TEX9: variants seen among roughly 807,000 people sequenced by gnomAD.
TEX9 encodes the protein testis expressed 9, also known as testis-expressed protein 9.
TEX9 carries 74 observed loss-of-function variants against 59.6 expected under a neutral mutation model. The observed-to-expected ratio is 1.24, with a 90% confidence interval of 1.03 to 1.51. TEX9 has a LOEUF of 1.51. Ranked by LOEUF, TEX9 falls within the 40% of genes most tolerant of loss-of-function variation. The probability of loss-of-function intolerance (pLI) is 0.00; values close to 1 mark genes in which losing one functional copy is unlikely to be tolerated. For missense variants in TEX9, 522 were observed against 447.8 expected, an observed-to-expected ratio of 1.17 and a Z score of -1.49; for synonymous variants, 186 against 152.2, an observed-to-expected ratio of 1.22 and a Z score of -1.64.
At chr15:56,244,819 T>C (rs2043806413) in intron 1 of TEX9, among the ~76,000 whole-genome samples, 1 of 148,612 alleles carries the variant, frequency 6.7e-6, no homozygotes, top group Admixed American at 6.7e-5. Context: ...TCCGCACCAT[T>C]CCCCCCCTTC....
chr15:56,325,822 T>G (rs2046008756), intron 1 of TEX9, among the ~76,000 whole-genome samples: 1 of 152,160 alleles, frequency 6.6e-6, no homozygotes, highest in Admixed American at 6.5e-5. Flanking sequence ...TAAGTCAACA[T>G]TTTTTGACCA....
At chr15:56,354,092 A>C (rs190440880) in intron 1 of TEX9, among the ~76,000 whole-genome samples, 281 of 152,326 alleles carry the variant, frequency 1.8e-3, no homozygotes, top group Admixed American at 4.8e-3. Context: ...CCAGGCTAAC[A>C]TGTTAGTAGA....
chr15:56,276,398 A>G (rs1230375570), intron 1 of TEX9, among the ~76,000 whole-genome samples: 9 of 151,998 alleles, frequency 5.9e-5, no homozygotes, highest in African/African-American at 1.9e-4. Flanking sequence ...TCTCATTGTC[A>G]ACTCCCACTT....
At chr15:56,394,334 T>C in intron 8 of TEX9, 87 bp downstream of exon 8, 6 of 1,143,986 alleles carry the variant, frequency 5.2e-6, no homozygotes, top group Non-Finnish European at 7.4e-6. Flanking sequence ...TTACTTTATT[T>C]AGATATAAAT....
chr15:56,255,119 G>T (rs2044115233), intron 1 of TEX9, among the ~76,000 whole-genome samples: 1 of 152,072 alleles, frequency 6.6e-6, no homozygotes, highest in African/African-American at 2.4e-5. Flanking sequence ...TTCTGTAAAA[G>T]ACCAGATAGT....
chr15:56,331,320 A>G (rs1265134817), intron 1 of TEX9, among the ~76,000 whole-genome samples: 6 of 152,226 alleles, frequency 3.9e-5, no homozygotes, highest in African/African-American at 1.4e-4. Flanking sequence ...AGATATTTAC[A>G]GAACATTTCA....
At chr15:56,388,492 G>A (rs1311453910) in exon 5 of TEX9, 2 of 1,611,090 alleles carry the variant, frequency 1.2e-6, no homozygotes, top group South Asian at 1.1e-5. Flanking sequence ...CCATCTGAAG[G>A]GATAGTTCAT....
At chr15:56,402,138 GA>G (rs1473981922) in intron 9 of TEX9, among the ~76,000 whole-genome samples, 1 of 152,124 alleles carries the variant, frequency 6.6e-6, no homozygotes, top group East Asian at 1.9e-4. Flanking sequence ...GATCAGAGCA[GA>G]ACTGAAGGAG....
At chr15:56,374,957 C>T (rs2047364726) in intron 3 of TEX9, among the ~76,000 whole-genome samples, 1 of 152,094 alleles carries the variant, frequency 6.6e-6, no homozygotes, top group Admixed American at 6.6e-5. Flanking sequence ...TGTTAGTGGA[C>T]ACTTTGGTTG....
At chr15:56,383,128 G>A (rs1198390007) in intron 3 of TEX9, among the ~76,000 whole-genome samples, 1 of 152,164 alleles carries the variant, frequency 6.6e-6, no homozygotes, top group East Asian at 1.9e-4. Context: ...CCATGCATGG[G>A]TACTCAAAGT....
At chr15:56,438,336 T>G (rs1418271922) in intron 12 of TEX9, among the ~76,000 whole-genome samples, 1 of 151,886 alleles carries the variant, frequency 6.6e-6, no homozygotes, top group Non-Finnish European at 1.5e-5. Flanking sequence ...TCTGCTCTTT[T>G]TTTTTGTTAC....
At chr15:56,442,757 G>T (rs531174613) in intron 12 of TEX9, among the ~76,000 whole-genome samples, 1 of 152,110 alleles carries the variant, frequency 6.6e-6, no homozygotes, top group African/African-American at 2.4e-5. Flanking sequence ...TAGGAGGAGG[G>T]TGAGGATCAA....
intron 1 of TEX9, among the ~76,000 whole-genome samples, chr15:56,321,325 A>C (rs1259419333): frequency 6.6e-6 from 1 of 152,206 alleles, no homozygotes; most frequent in African/African-American, 2.4e-5. Flanking sequence ...TTAAGAAGCA[A>C]CTGGTTCCTG....
chr15:56,319,561 T>G (rs1190914410), intron 1 of TEX9, among the ~76,000 whole-genome samples: 2 of 152,176 alleles, frequency 1.3e-5, no homozygotes, highest in Non-Finnish European at 2.9e-5. Flanking sequence ...TTCCTCAGAT[T>G]TGCATGTTGA....
chr15:56,302,264 G>C (rs1249983529), intron 1 of TEX9, among the ~76,000 whole-genome samples: 1 of 151,752 alleles, frequency 6.6e-6, no homozygotes, highest in South Asian at 2.1e-4. Flanking sequence ...AAGGCAGGAG[G>C]ATTGCTTGAG....
At chr15:56,390,388 G>C (rs757683037) in intron 6 of TEX9, among the ~76,000 whole-genome samples, 1 of 151,906 alleles carries the variant, frequency 6.6e-6, no homozygotes, top group East Asian at 1.9e-4. Flanking sequence ...TGAGGGGATG[G>C]ATACCCCCTT....
At chr15:56,332,395 C>T (rs1199177282) in intron 1 of TEX9, among the ~76,000 whole-genome samples, 1 of 149,926 alleles carries the variant, frequency 6.7e-6, no homozygotes, top group Non-Finnish European at 1.5e-5. Flanking sequence ...CGCATATTCT[C>T]ACCCATAGGT....
At chr15:56,276,106 G>T (rs992273481) in intron 1 of TEX9, among the ~76,000 whole-genome samples, 2 of 151,444 alleles carry the variant, frequency 1.3e-5, no homozygotes, top group Admixed American at 1.3e-4. Flanking sequence ...TAATATTCTT[G>T]GGTGTGGTCT....
chr15:56,410,830 G>A (rs1156319936), intron 9 of TEX9, among the ~76,000 whole-genome samples: 1 of 152,200 alleles, frequency 6.6e-6, no homozygotes, highest in East Asian at 1.9e-4. Flanking sequence ...TGTAGCTAAT[G>A]AGAATCTTTG....
Sources: allele counts gnomAD v4.1 joint callset (sites outside exome capture counted in the v4.1 genomes callset), GRCh38; gene constraint gnomAD v4.1.1; transcripts MANE v1.5; gene names NCBI Gene and HGNC (gene_info 2026-07-23, HGNC 2026-07-21).